ADGRF5: variants seen among roughly 807,000 people sequenced by gnomAD.
ADGRF5 encodes G-protein coupled receptor 116.
Under a neutral mutation model 132.3 loss-of-function variants are expected in ADGRF5, and 75 were observed. The observed-to-expected ratio is 0.57, with a 90% CI of 0.47 to 0.69. The LOEUF (loss-of-function observed/expected upper bound fraction) is 0.69, where lower values mean the gene tolerates loss of function less well. Among genes scored for constraint, ADGRF5 ranks in the 30% least tolerant of loss-of-function variants. The pLI is 0.00. For missense variants in ADGRF5, 1,516 were observed against 1,630.6 expected, an observed-to-expected ratio of 0.93 and a Z score of 1.21; for synonymous variants, 629 against 597.6, an observed-to-expected ratio of 1.05 and a Z score of -0.77.
intron 1 of ADGRF5, among the ~76,000 whole-genome samples, chr6:46,917,415 A>C (rs1776513305): frequency 6.6e-6 from 1 of 152,180 alleles, no homozygotes; most frequent in Non-Finnish European, 1.5e-5. Context: ...ATGGACTCTG[A>C]AGTCAGACTG....
At chr6:46,867,796 CGG>C (rs1004241002) in intron 12 of ADGRF5, among the ~76,000 whole-genome samples, 4 of 8,098 alleles carry the variant, frequency 4.9e-4, no homozygotes, top group Non-Finnish European at 6.5e-3. Flanking sequence ...ATTCCTGCTG[CGG>C]GGGGGAAGAG....
At chr6:46,904,253 G>T (rs975073637) in intron 2 of ADGRF5, among the ~76,000 whole-genome samples, 1 of 152,136 alleles carries the variant, frequency 6.6e-6, no homozygotes, top group Admixed American at 6.6e-5. Flanking sequence ...GTATATTCAC[G>T]TTCATAGGCA....
intron 1 of ADGRF5, among the ~76,000 whole-genome samples, chr6:46,930,918 G>A (rs1444415917): frequency 1.3e-5 from 2 of 152,118 alleles, no homozygotes; most frequent in African/African-American, 4.8e-5. Context: ...GCCAGACATG[G>A]TGGTGCACAC....
intron 20 of ADGRF5, 76 bp downstream of exon 20, chr6:46,855,898 A>C: frequency 2.5e-6 from 2 of 809,618 alleles, no homozygotes; most frequent in South Asian, 1.4e-5. Flanking sequence ...GGGGTGAAAG[A>C]GTAGGGGTGT....
At position 46,906,801 on chromosome 6, in the gene ADGRF5, T is replaced by C; in HGVS notation, c.-24-15A>G. ...AGTTGGTTGGCCTGAAATGGAAATA[T>C]GATGGTTTAGATATACAGCAATTTA... is the stretch of plus-strand genomic sequence containing the variant. On this transcript the variant is annotated splice_polypyrimidine_tract_variant and intron_variant, in intron 1 of 20. Coordinates refer to ENST00000283296, the MANE Select transcript of ADGRF5 (RefSeq NM_001098518.2). 1 of 1,063,868 alleles carries C rather than the reference T, an allele frequency of 9.4e-7. No individual in the cohort carries two copies. The highest frequency in any genetic ancestry group is 1.3e-5 in the South Asian group (1 of 79,912). 65.9% of individuals were successfully genotyped at this position (1,063,868 alleles called of 1,614,324 possible).
chr6:46,925,200 C>T (rs1475642580), upstream of ADGRF5, among the ~76,000 whole-genome samples: 2 of 152,222 alleles, frequency 1.3e-5, no homozygotes, highest in Admixed American at 1.3e-4. Flanking sequence ...GGCAGTCTTG[C>T]ATTTCAGGGT....
chr6:46,863,593 C>T (rs1354497488), intron 14 of ADGRF5, among the ~76,000 whole-genome samples: 2 of 152,176 alleles, frequency 1.3e-5, no homozygotes, highest in Non-Finnish European at 2.9e-5. Context: ...TTTGTTCCTT[C>T]TGGTTTCCCT....
At chr6:46,870,967 A>G (rs955928767) in intron 11 of ADGRF5, 3 of 238,758 alleles carry the variant, frequency 1.3e-5, no homozygotes, top group Non-Finnish European at 2.4e-5. Context: ...TAGATATATG[A>G]TTATTATATA....
chr6:46,902,016 C>T (rs1008231111), intron 2 of ADGRF5, among the ~76,000 whole-genome samples: 6 of 152,112 alleles, frequency 3.9e-5, no homozygotes, highest in Non-Finnish European at 5.9e-5. Context: ...AGTTCATAAA[C>T]GTTCTTGAAG....
At chr6:46,881,412 A>G (rs2150836946) in intron 8 of ADGRF5, 43 bp downstream of exon 8, 2 of 1,554,098 alleles carry the variant, frequency 1.3e-6, no homozygotes, top group Non-Finnish European at 8.9e-7. Flanking sequence ...AGGTTTACGC[A>G]TAACCATAAA....
At chr6:46,882,132 T>C in intron 6 of ADGRF5, 25 bp from the exon 7 acceptor site, 1 of 1,555,022 alleles carries the variant, frequency 6.4e-7, no homozygotes, top group Non-Finnish European at 8.9e-7. Context: ...AAGATGAATG[T>C]CATATATCAA....
At chr6:46,941,387 CAAAGAAAAGAAAAGAAAAGAAAAGA>C (rs766352637) in intron 1 of ADGRF5, among the ~76,000 whole-genome samples, 1,078 of 83,142 alleles carry the variant, frequency 0.013, 20 homozygotes, top group African/African-American at 0.03. Flanking sequence ...AAGAAAGAAA[CAAAGAAAAGAAAAGAAAAGAAAAGA>C]AAAGAAAAGA....
intron 1 of ADGRF5, among the ~76,000 whole-genome samples, chr6:46,943,806 CA>C (rs534180440): frequency 1.3e-3 from 201 of 152,284 alleles, no homozygotes; most frequent in Middle Eastern, 6.8e-3. Flanking sequence ...GCTGCTGAAA[CA>C]TAAATGAAAG....
At chr6:46,947,822 C>T (rs1262974856) in intron 1 of ADGRF5, among the ~76,000 whole-genome samples, 1 of 152,212 alleles carries the variant, frequency 6.6e-6, no homozygotes, top group African/African-American at 2.4e-5. Flanking sequence ...AATCTGCGGA[C>T]CTTGGAGGGG....
intron 2 of ADGRF5, among the ~76,000 whole-genome samples, chr6:46,900,585 G>T (rs1451812735): frequency 6.6e-6 from 1 of 152,014 alleles, no homozygotes; most frequent in Admixed American, 6.6e-5. Flanking sequence ...TTTTTCTCCT[G>T]GATGGTTCTA....
intron 1 of ADGRF5, among the ~76,000 whole-genome samples, chr6:46,919,371 G>C (rs1263425431): frequency 6.6e-6 from 1 of 152,220 alleles, no homozygotes; most frequent in Non-Finnish European, 1.5e-5. Flanking sequence ...ATGAGAATAA[G>C]TTACCTGCTT....
chr6:46,887,489 A>T (rs1254043826), intron 4 of ADGRF5, among the ~76,000 whole-genome samples: 1 of 152,236 alleles, frequency 6.6e-6, no homozygotes, highest in East Asian at 1.9e-4. Context: ...GGTAGAAATC[A>T]GTGGGAAATG....
intron 8 of ADGRF5, 138 bp from the exon 9 acceptor site, chr6:46,880,177 T>C (rs747129366): frequency 1.5e-6 from 1 of 649,350 alleles, no homozygotes; most frequent in Non-Finnish European, 2.7e-6. Flanking sequence ...GCAATGTGTC[T>C]CCTCACTCCA....
intron 4 of ADGRF5, among the ~76,000 whole-genome samples, chr6:46,884,964 G>T (rs1336544395): frequency 6.6e-6 from 1 of 152,176 alleles, no homozygotes; most frequent in Non-Finnish European, 1.5e-5. Flanking sequence ...GCACTTGGGA[G>T]GCCAAGGCAG....
Sources: gnomAD v4.1 joint callset for allele counts (sites outside exome capture counted in the v4.1 genomes callset) on GRCh38, gnomAD v4.1.1 for gene constraint, MANE v1.5 for transcripts, NCBI Gene and HGNC (gene_info 2026-07-23, HGNC 2026-07-21) for gene names.